Variants in PDSS2 observed in about 807,000 individuals in gnomAD.
The protein encoded by PDSS2 is all trans-polyprenyl-diphosphate synthase PDSS2.
PDSS2 carries 31 observed loss-of-function variants against 44.5 expected under a neutral mutation model. That is an observed-to-expected ratio of 0.70 (90% CI 0.52 to 0.94). The LOEUF (loss-of-function observed/expected upper bound fraction) is 0.94. PDSS2 is among the 40% of genes least tolerant of loss of function. PDSS2 has a pLI of 0.00. For synonymous variants in PDSS2, 157 were observed against 180.3 expected, an observed-to-expected ratio of 0.87 and a Z score of 1.03; for missense variants, 452 against 482.2, an observed-to-expected ratio of 0.94 and a Z score of 0.59.
At chr6:107,269,333 C>CGTGTGTGT (rs1419152571) in intron 3 of PDSS2, among the ~76,000 whole-genome samples, 7 of 80,288 alleles carry the variant, frequency 8.7e-5, no homozygotes, top group East Asian at 4.2e-4. Flanking sequence ...AATCTCATTT[C>CGTGTGTGT]GTGTGTCTGT....
chr6:107,413,323 G>T (rs945303465), intron 1 of PDSS2, among the ~76,000 whole-genome samples: 1 of 152,164 alleles, frequency 6.6e-6, no homozygotes, highest in Non-Finnish European at 1.5e-5. Flanking sequence ...TGAGAGGATT[G>T]TTGAGGTCAG....
chr6:107,351,806 C>T (rs1778442314), intron 1 of PDSS2, among the ~76,000 whole-genome samples: 1 of 152,074 alleles, frequency 6.6e-6, no homozygotes, highest in African/African-American at 2.4e-5. Flanking sequence ...TGCATTCTTC[C>T]AAAATGTTCT....
chr6:107,336,268 A>G (rs1250580936), intron 1 of PDSS2, among the ~76,000 whole-genome samples: 1 of 151,610 alleles, frequency 6.6e-6, no homozygotes, highest in East Asian at 1.9e-4. Flanking sequence ...AAAAAAAAAA[A>G]AAAAAAAAGG....
chr6:107,227,128 C>T (rs1473369780), intron 4 of PDSS2, among the ~76,000 whole-genome samples: 5 of 150,226 alleles, frequency 3.3e-5, no homozygotes, highest in African/African-American at 4.9e-5. Flanking sequence ...TACAAGTGCC[C>T]GCCACCACAT....
intron 3 of PDSS2, among the ~76,000 whole-genome samples, chr6:107,272,645 C>G (rs953646567): frequency 1.3e-5 from 2 of 152,088 alleles, no homozygotes; most frequent in African/African-American, 4.8e-5. Context: ...CAAGAAATAC[C>G]TTTATAACCT....
At chr6:107,199,005 A>G (rs7766401) in intron 6 of PDSS2, among the ~76,000 whole-genome samples, 44,208 of 152,114 alleles carry the variant, frequency 0.29, 6,627 homozygotes, top group East Asian at 0.5. Context: ...CAAAAAATAA[A>G]TAAATAAAAA....
chr6:107,185,144 G>T (rs911941715), intron 7 of PDSS2, among the ~76,000 whole-genome samples: 18 of 124,780 alleles, frequency 1.4e-4, no homozygotes, highest in African/African-American at 5.8e-4. Context: ...AAAAAAAAAA[G>T]AAGAAGAAGA....
chr6:107,291,091 T>C (rs1023117723), intron 2 of PDSS2, among the ~76,000 whole-genome samples: 1 of 152,180 alleles, frequency 6.6e-6, no homozygotes, highest in African/African-American at 2.4e-5. Context: ...AAAGAATCTT[T>C]CGTGATGATA....
At chr6:107,303,124 T>C (rs1189996222) in intron 2 of PDSS2, among the ~76,000 whole-genome samples, 2 of 152,164 alleles carry the variant, frequency 1.3e-5, no homozygotes, top group African/African-American at 4.8e-5. Context: ...TGAGGACCTT[T>C]GTGCTGTGTC....
chr6:107,269,047 C>T (rs1301037192), intron 3 of PDSS2, among the ~76,000 whole-genome samples: 1 of 151,454 alleles, frequency 6.6e-6, no homozygotes, highest in Non-Finnish European at 1.5e-5. Context: ...TCAAGCGATT[C>T]TCCTGCCTCA....
At chr6:107,214,342 C>T (rs545468366) in intron 4 of PDSS2, among the ~76,000 whole-genome samples, 2 of 152,050 alleles carry the variant, frequency 1.3e-5, no homozygotes, top group East Asian at 1.9e-4. Flanking sequence ...CCGCCCGCCT[C>T]GGCCTCCCAA....
intron 3 of PDSS2, 121 bp downstream of exon 3, chr6:107,273,908 G>T: frequency 1.3e-6 from 1 of 769,904 alleles, no homozygotes; most frequent in South Asian, 1.4e-5. Context: ...CAGTTTTACT[G>T]TTTACTGAGC....
At chr6:107,228,923 A>G (rs902178480) in intron 4 of PDSS2, among the ~76,000 whole-genome samples, 115 of 152,276 alleles carry the variant, frequency 7.6e-4, no homozygotes, top group African/African-American at 2.6e-3. Flanking sequence ...AAGCTTGAAC[A>G]AATGCCCAGC....
intron 1 of PDSS2, among the ~76,000 whole-genome samples, chr6:107,373,777 T>A (rs1779197208): frequency 6.6e-6 from 1 of 152,186 alleles, no homozygotes; most frequent in African/African-American, 2.4e-5. Flanking sequence ...GTTCTGGCAA[T>A]CAGTCAAATC....
chr6:107,349,951 C>T (rs766839133), intron 1 of PDSS2, among the ~76,000 whole-genome samples: 3 of 152,214 alleles, frequency 2.0e-5, no homozygotes, highest in Admixed American at 6.5e-5. Flanking sequence ...CATGCCTCTT[C>T]GGCTTCCTTT....
At chr6:107,207,153 C>G (rs941310912) in intron 6 of PDSS2, among the ~76,000 whole-genome samples, 3 of 151,630 alleles carry the variant, frequency 2.0e-5, no homozygotes, top group African/African-American at 7.3e-5. Context: ...CCACTGTGCC[C>G]GACTAATTTT....
At chr6:107,350,853 A>C (rs1310301939) in intron 1 of PDSS2, among the ~76,000 whole-genome samples, 1 of 152,092 alleles carries the variant, frequency 6.6e-6, no homozygotes, top group Non-Finnish European at 1.5e-5. Flanking sequence ...AATATTTCAG[A>C]CAGTCATTAT....
At chr6:107,311,533 GT>G (rs916408485) in intron 2 of PDSS2, among the ~76,000 whole-genome samples, 9 of 151,818 alleles carry the variant, frequency 5.9e-5, no homozygotes, top group Non-Finnish European at 7.4e-5. Flanking sequence ...TTAATATTTT[GT>G]TTTTTTCTCC....
At chr6:107,191,232 G>C (rs1230675499) in intron 7 of PDSS2, among the ~76,000 whole-genome samples, 1 of 152,172 alleles carries the variant, frequency 6.6e-6, no homozygotes, top group East Asian at 1.9e-4. Flanking sequence ...GAAACGGTCA[G>C]ATTGGTGGTT....
Sources: allele counts gnomAD v4.1 joint callset (sites outside exome capture counted in the v4.1 genomes callset), GRCh38; gene constraint gnomAD v4.1.1; transcripts MANE v1.5; gene names NCBI Gene and HGNC (gene_info 2026-07-23, HGNC 2026-07-21).